SLC25A48: variants seen among roughly 807,000 people sequenced by gnomAD.
The protein encoded by SLC25A48 is CTC-321K16.1.
In SLC25A48, 29 loss-of-function variants were observed where a neutral mutation model predicts 32.2. That is an observed-to-expected ratio of 0.90 (90% confidence interval 0.67 to 1.23). The LOEUF (loss-of-function observed/expected upper bound fraction) is 1.23. Ranked by LOEUF, SLC25A48 falls within the 50% of genes most tolerant of loss-of-function variation. The pLI, the probability that SLC25A48 is intolerant of heterozygous loss-of-function variation, is 0.00. For synonymous variants in SLC25A48, 164 were observed against 172.3 expected (o/e 0.95, Z 0.38); for missense variants, 399 against 422.7 (o/e 0.94, Z 0.49).
At chr5:135,644,357 C>A (rs1325810296) in intron 3 of SLC25A48, among the ~76,000 whole-genome samples, 1 of 152,060 alleles carries the variant, frequency 6.6e-6, no homozygotes, top group Non-Finnish European at 1.5e-5. Context: ...TACCGTCTGA[C>A]ACAGACGGTA....
intron 3 of SLC25A48, among the ~76,000 whole-genome samples, chr5:135,767,185 A>ACCC (rs1280846238): frequency 7.1e-5 from 4 of 56,046 alleles, no homozygotes; most frequent in African/African-American, 9.8e-5. Context: ...CAGGACAGGT[A>ACCC]CACCCCCCCC....
chr5:135,854,918 T>A (rs959110867), intron 4 of SLC25A48, among the ~76,000 whole-genome samples: 1 of 152,242 alleles, frequency 6.6e-6, no homozygotes, highest in Non-Finnish European at 1.5e-5. Context: ...ACTTGAACAC[T>A]TAGAGGTCAT....
At chr5:135,677,550 G>A (rs1160690945) in intron 3 of SLC25A48, among the ~76,000 whole-genome samples, 2 of 152,022 alleles carry the variant, frequency 1.3e-5, no homozygotes, top group East Asian at 3.8e-4. Flanking sequence ...GTGGTTTGCT[G>A]ATTTTCTGTG....
chr5:135,701,124 G>A (rs1032383589), intron 3 of SLC25A48, among the ~76,000 whole-genome samples: 4 of 152,138 alleles, frequency 2.6e-5, no homozygotes, highest in South Asian at 2.1e-4. Flanking sequence ...GGGCCGAGTA[G>A]CACCCATCTT....
chr5:135,624,094 T>A (rs1431393494), intron 1 of SLC25A48, among the ~76,000 whole-genome samples: 3 of 152,210 alleles, frequency 2.0e-5, no homozygotes, highest in Non-Finnish European at 4.4e-5. Context: ...GCACAAAGCC[T>A]GGTTTGCCTT....
At chr5:135,656,324 G>T (rs1753247343) in intron 3 of SLC25A48, among the ~76,000 whole-genome samples, 1 of 152,132 alleles carries the variant, frequency 6.6e-6, no homozygotes, top group Non-Finnish European at 1.5e-5. Context: ...TGTGCTACTT[G>T]TCCAATCTGA....
intron 4 of SLC25A48, among the ~76,000 whole-genome samples, chr5:135,866,746 G>T (rs1761234625): frequency 6.6e-6 from 1 of 152,278 alleles, no homozygotes; most frequent in African/African-American, 2.4e-5. Context: ...TGCTGGCCGG[G>T]ACTGAGCTGG....
chr5:135,788,438 C>A (rs1006673966), intron 3 of SLC25A48, among the ~76,000 whole-genome samples: 1 of 149,982 alleles, frequency 6.7e-6, no homozygotes, highest in Non-Finnish European at 1.5e-5. Context: ...GGGTGTACCC[C>A]CTCCCGCCAT....
At chr5:135,741,662 G>C (rs1285879502) in intron 3 of SLC25A48, among the ~76,000 whole-genome samples, 1 of 152,142 alleles carries the variant, frequency 6.6e-6, no homozygotes, top group Middle Eastern at 3.2e-3. Flanking sequence ...AGATTGATGA[G>C]CCGGGGAGAT....
chr5:135,886,663 TGTGTGTGTGTGA>T lies in SLC25A48; in HGVS notation c.*8-1367_*8-1356del, dbSNP rs1227625554. Among the ~76,000 whole-genome samples the T allele has an allele frequency of 7.0e-5, 7 of 100,184 alleles. 1 individual carries two copies. The highest frequency in any genetic ancestry group is 2.8e-4 in the African/African-American group (6 of 21,388). The allele number at this position is 100,184 out of a possible 152,430, so 65.7% of individuals were successfully genotyped here. On this transcript the variant is annotated intron_variant, in intron 7 of 7. Coordinates refer to ENST00000681962, the MANE Select transcript of SLC25A48 (RefSeq NM_001349336.2). ...AAATATATATATGTGTGTGTGTGTG[TGTGTGTGTGTGA>T]GAGAGAGAGAGAGAGAGAGAGAGAG...
chr5:135,759,907 G>T (rs1429804601), intron 3 of SLC25A48, among the ~76,000 whole-genome samples: 1 of 148,104 alleles, frequency 6.8e-6, no homozygotes, highest in African/African-American at 2.5e-5. Flanking sequence ...TCAGCTCACT[G>T]CAACCTCCGC....
chr5:135,812,063 C>G (rs1757599936), intron 3 of SLC25A48, among the ~76,000 whole-genome samples: 1 of 152,076 alleles, frequency 6.6e-6, no homozygotes, highest in Non-Finnish European at 1.5e-5. Flanking sequence ...GCCTGGGTGG[C>G]AGAGTGAGAC....
At chr5:135,743,265 T>G (rs1398005318) in intron 3 of SLC25A48, among the ~76,000 whole-genome samples, 3 of 150,250 alleles carry the variant, frequency 2.0e-5, no homozygotes, top group Admixed American at 6.7e-5. Context: ...AGAGACGGTG[T>G]TTCTTTATGT....
At chr5:135,648,272 T>A (rs1267497139) in intron 3 of SLC25A48, among the ~76,000 whole-genome samples, 1 of 152,196 alleles carries the variant, frequency 6.6e-6, no homozygotes, top group African/African-American at 2.4e-5. Flanking sequence ...GTCCTAGGCC[T>A]TGGAGTTGTG....
intron 4 of SLC25A48, among the ~76,000 whole-genome samples, chr5:135,861,737 G>A (rs1760814036): frequency 6.6e-6 from 1 of 152,110 alleles, no homozygotes; most frequent in Non-Finnish European, 1.5e-5. Flanking sequence ...AAATGTGTGG[G>A]CTCTTTGATT....
At position 135,834,691 on chromosome 5, in the gene SLC25A48, G is replaced by T. The variant is rs1018748830; in HGVS notation, c.-157G>T. ...TGGAGAGGTGAGCGCGGCAGCCCGC[G>T]CAGCCGGTGACTGGGGGACTGGGTT... is the stretch of plus-strand genomic sequence containing the variant. On this transcript the variant is annotated 5_prime_UTR_variant, in exon 1 of 8. Coordinates refer to ENST00000681962, the MANE Select transcript of SLC25A48 (RefSeq NM_001349336.2). 2 of 789,508 alleles carry T rather than the reference G, an allele frequency of 2.5e-6. No homozygotes were observed. Among genetic ancestry groups the T allele is most frequent in the African/African-American group, 3.5e-5 (2 of 56,590 alleles). 48.9% of individuals were successfully genotyped at this position (789,508 alleles called of 1,614,324 possible).
chr5:135,722,168 T>G (rs1051528387), intron 3 of SLC25A48, among the ~76,000 whole-genome samples: 1 of 152,250 alleles, frequency 6.6e-6, no homozygotes, highest in Admixed American at 6.5e-5. Context: ...TGTAGAAACA[T>G]GCTAACTGAG....
At chr5:135,839,798 G>C (rs1009630141) in intron 1 of SLC25A48, among the ~76,000 whole-genome samples, 4 of 152,158 alleles carry the variant, frequency 2.6e-5, no homozygotes, top group Non-Finnish European at 5.9e-5. Flanking sequence ...GAGTTTTCCT[G>C]TGCTGTTCTT....
chr5:135,699,990 G>A (rs987570351), intron 3 of SLC25A48, among the ~76,000 whole-genome samples: 2 of 152,102 alleles, frequency 1.3e-5, no homozygotes, highest in South Asian at 2.1e-4. Flanking sequence ...CAACTCCGTG[G>A]CCTGAAGCCT....
Sources: gnomAD v4.1 joint callset for allele counts (sites outside exome capture counted in the v4.1 genomes callset) on GRCh38, gnomAD v4.1.1 for gene constraint, MANE v1.5 for transcripts, NCBI Gene and HGNC (gene_info 2026-07-23, HGNC 2026-07-21) for gene names.